WRN: variants seen among roughly 807,000 people sequenced by gnomAD.
The protein encoded by WRN is WRN RecQ like helicase, also known as bifunctional 3'-5' exonuclease/ATP-dependent helicase WRN.
A neutral mutation model predicts 180.7 loss-of-function variants in WRN; 149 were observed. The observed-to-expected ratio is 0.82, with a 90% CI of 0.72 to 0.94. The LOEUF is 0.94. Among genes scored for constraint, WRN ranks in the 40% least tolerant of loss-of-function variants. The probability of loss-of-function intolerance (pLI) is 0.00; values close to 1 mark genes in which losing one functional copy is unlikely to be tolerated. For missense variants in WRN, 1,661 were observed against 1,700.1 expected, an observed-to-expected ratio of 0.98 and a Z score of 0.40; for synonymous variants, 548 against 568.9, an observed-to-expected ratio of 0.96 and a Z score of 0.52.
intron 21 of WRN, among the ~76,000 whole-genome samples, chr8:31,122,287 C>A (rs1801753003): frequency 1.3e-5 from 2 of 152,072 alleles, no homozygotes; most frequent in African/African-American, 2.4e-5. Flanking sequence ...CTGTATCATC[C>A]TGGTGACAAC....
At chr8:31,162,301 AT>A (rs569323999) in intron 33 of WRN, among the ~76,000 whole-genome samples, 1 of 151,620 alleles carries the variant, frequency 6.6e-6, no homozygotes, top group Non-Finnish European at 1.5e-5. Flanking sequence ...TACTTTTTAC[AT>A]TTTTTTTGTT....
intron 33 of WRN, 74 bp from the exon 34 acceptor site, chr8:31,166,947 GT>G: frequency 7.1e-7 from 1 of 1,400,494 alleles, no homozygotes; most frequent in Non-Finnish European, 9.9e-7. Context: ...GAATATTTCA[GT>G]ATTTCTAGCT....
intron 23 of WRN, chr8:31,131,773 T>TC (rs1802184179): frequency 6.5e-6 from 1 of 153,618 alleles, no homozygotes; most frequent in South Asian, 2.1e-4. Context: ...ATGAACATTA[T>TC]CCTTGTTCTC....
chr8:31,101,622 A>G (rs1490966103), intron 18 of WRN, among the ~76,000 whole-genome samples: 3 of 151,834 alleles, frequency 2.0e-5, no homozygotes, highest in African/African-American at 4.8e-5. Flanking sequence ...CCCTGTCTCT[A>G]CTAAAAATAC....
chr8:31,110,730 G>A (rs1181868588), intron 18 of WRN, among the ~76,000 whole-genome samples: 1 of 152,022 alleles, frequency 6.6e-6, no homozygotes, highest in Non-Finnish European at 1.5e-5. Flanking sequence ...TATCTGTCAC[G>A]AGCCAAAAAG....
chr8:31,162,094 A>G (rs1454268515), intron 33 of WRN, among the ~76,000 whole-genome samples: 1 of 152,194 alleles, frequency 6.6e-6, no homozygotes, highest in Non-Finnish European at 1.5e-5. Context: ...AAGTTAAAAA[A>G]TTTATCTTCT....
intron 27 of WRN, among the ~76,000 whole-genome samples, 171 bp from the exon 28 acceptor site, chr8:31,143,379 C>G (rs1802736192): frequency 6.6e-6 from 1 of 152,034 alleles, no homozygotes; most frequent in African/African-American, 2.4e-5. Context: ...TTCTAACTAC[C>G]TTTAGAACTT....
chr8:31,164,877 G>A (rs995325165), intron 33 of WRN, among the ~76,000 whole-genome samples: 10 of 152,136 alleles, frequency 6.6e-5, no homozygotes, highest in Admixed American at 5.9e-4. Flanking sequence ...GGAAGTTAGA[G>A]CAGAGTAAGA....
intron 23 of WRN, among the ~76,000 whole-genome samples, chr8:31,127,636 G>T (rs552547559): frequency 3.3e-5 from 5 of 152,100 alleles, no homozygotes; most frequent in Non-Finnish European, 5.9e-5. Context: ...TAACTTGCTG[G>T]TGCGGTGGCT....
At chr8:31,074,364 G>A (rs1813022524) in intron 7 of WRN, among the ~76,000 whole-genome samples, 2 of 152,154 alleles carry the variant, frequency 1.3e-5, no homozygotes, top group South Asian at 4.1e-4. Context: ...CGCTATAAAT[G>A]GGAGTAGAGA....
At chr8:31,149,455 GTTTTTTTTTTTTTTTTTTTT>G (rs71208105) in intron 30 of WRN, among the ~76,000 whole-genome samples, 2 of 51,976 alleles carry the variant, frequency 3.8e-5, no homozygotes, top group Non-Finnish European at 6.7e-5. Context: ...TAATAGAGGT[GTTTTTTTTTTTTTTTTTTTT>G]TTTTTTTTTT....
In WRN at chr8:31,112,006, C is replaced by A. The variant is rs111613691; in HGVS notation, c.2273+207C>A. Among the ~76,000 whole-genome samples, 165 of 152,238 alleles carry A rather than the reference C, an allele frequency of 1.1e-3. 1 individual carries two copies. The highest frequency in any genetic ancestry group is 3.7e-3 in the African/African-American group (153 of 41,536). On this transcript the variant is annotated intron_variant, in intron 19 of 34. Coordinates refer to ENST00000298139, the MANE Select transcript of WRN (RefSeq NM_000553.6). ...GTATTTTTAAAAGCAGAAACCAATT[C>A]TCCTAATATTTTAATACCCCATTCT...
In WRN at chr8:31,175,158, C is replaced by G. The variant is rs149194444; in HGVS notation, c.*2056C>G. 6.6e-6 allele frequency among the ~76,000 whole-genome samples: 1 copy of G among 151,632 alleles called. No homozygotes were observed. The highest frequency in any genetic ancestry group is 2.4e-5 in the African/African-American group (1 of 41,270). ...GATGTTAAGAAATCATGACTGAGGCCGGGCGCGGTGGCTCACGCCTGTAAT... is the reference window on the plus strand; with the variant it reads ...GATGTTAAGAAATCATGACTGAGGCGGGGCGCGGTGGCTCACGCCTGTAAT... On this transcript the variant is annotated 3_prime_UTR_variant, in exon 35 of 35. Transcript: ENST00000298139.
At chr8:31,094,727 A>G (rs965381327) in intron 16 of WRN, among the ~76,000 whole-genome samples, 2 of 152,142 alleles carry the variant, frequency 1.3e-5, no homozygotes, top group Admixed American at 1.3e-4. Context: ...GTTTCTATAA[A>G]TTAACTTATA....
At chr8:31,101,710 T>C (rs1343620120) in intron 18 of WRN, among the ~76,000 whole-genome samples, 1 of 144,078 alleles carries the variant, frequency 6.9e-6, no homozygotes, top group African/African-American at 2.6e-5. Flanking sequence ...TTGCTTGAAC[T>C]CGGGAGGTGG....
In WRN at chr8:31,064,312, T is replaced by C. The variant is rs2130032120; in HGVS notation, c.233T>C (p.Val78Ala). Reference sequence around the variant, plus strand: ...AGCATGAGTCTATCAGATGGGGATGTGGTGGGATTTGACATGGAGTGGCCA... The same window carrying C: ...AGCATGAGTCTATCAGATGGGGATGCGGTGGGATTTGACATGGAGTGGCCA... ...DISMSLSDGD[V>A]VGFDMEWPPL... The change falls in exon 4 of 35, where the codon GTG (valine) becomes GCG (alanine). Residue 78 changes from valine (V) to alanine (A), a missense_variant. Val to Ala is a moderately conservative substitution (Grantham distance 64, BLOSUM62 0). Coordinates refer to ENST00000298139, the MANE Select transcript of WRN (RefSeq NM_000553.6). The C allele has an allele frequency of 6.2e-7, 1 of 1,614,128 alleles. No homozygotes were observed. The highest frequency in any genetic ancestry group is 8.5e-7 in the Non-Finnish European group (1 of 1,179,996).
chr8:31,058,694 A>T lies in WRN; in HGVS notation c.96+151A>T, dbSNP rs530000192. Reference sequence around the variant, plus strand: ...ACCAGGACCTAGTTGTTGAAAGGGTAAACTGGAATAAACTTTAATTGGGTT... The same window carrying T: ...ACCAGGACCTAGTTGTTGAAAGGGTTAACTGGAATAAACTTTAATTGGGTT... On this transcript the variant is annotated intron_variant, in intron 2 of 34. Transcript: ENST00000298139. 6 of 726,294 alleles carry T rather than the reference A, an allele frequency of 8.3e-6. No individual in the cohort carries two copies. The South Asian group carries it at 1.0e-4, about 12-fold the overall frequency. The allele number at this position is 726,294 out of a possible 1,614,324, so 45.0% of individuals were successfully genotyped here. A position where few individuals can be genotyped will look rare whatever the true frequency, so the allele number is the denominator to read the frequency against.
chr8:31,126,893 G>A (rs1293099730), intron 23 of WRN, among the ~76,000 whole-genome samples: 1 of 152,010 alleles, frequency 6.6e-6, no homozygotes, highest in African/African-American at 2.4e-5. Flanking sequence ...AATGAAAGAG[G>A]GAATTTCACT....
In WRN at chr8:31,090,853, C is replaced by T. The variant is rs749974657; in HGVS notation, c.1740C>T (p.Cys580=). ...VMATGYGKSL[C]FQYPPVYVGK... ...TTCAAGGATATGGAAAGAGTTTGTG[C>T]TTCCAGTATCCACCTGTTTATGTAG... Residue 580 remains cysteine, a synonymous_variant, in exon 15 of 35, where the codon TGC becomes TGT. Coordinates refer to ENST00000298139, the MANE Select transcript of WRN (RefSeq NM_000553.6). 4 of 1,609,424 alleles carry T rather than the reference C, an allele frequency of 2.5e-6. No homozygotes were observed. In the East Asian group the frequency reaches 6.7e-5, roughly 27 times the overall value.
Sources: allele counts gnomAD v4.1 joint callset (sites outside exome capture counted in the v4.1 genomes callset), GRCh38; gene constraint gnomAD v4.1.1; transcripts MANE v1.5; gene names NCBI Gene and HGNC (gene_info 2026-07-23, HGNC 2026-07-21).